GULP1: variants seen among roughly 807,000 people sequenced by gnomAD.
The protein encoded by GULP1 is GULP PTB domain containing engulfment adaptor 1.
Under a neutral mutation model 40.9 loss-of-function variants are expected in GULP1, and 19 were observed. The ratio of observed to expected loss-of-function variants is 0.46; its 90% CI spans 0.32 to 0.68. The LOEUF (loss-of-function observed/expected upper bound fraction) is 0.68, where lower values mean the gene tolerates loss of function less well. Ranked by LOEUF, GULP1 falls within the 30% of genes least tolerant of loss-of-function variation. GULP1 has a pLI of 0.03. For synonymous variants in GULP1, 119 were observed against 117.6 expected (o/e 1.01, Z -0.08); for missense variants, 312 against 362.2 (o/e 0.86, Z 1.12).
At chr2:188,527,406 C>G (rs1686448594) in intron 5 of GULP1, among the ~76,000 whole-genome samples, 1 of 152,116 alleles carries the variant, frequency 6.6e-6, no homozygotes, top group Non-Finnish European at 1.5e-5. Flanking sequence ...GGGAGAGCAG[C>G]TGACTTATTT....
chr2:188,400,108 C>T (rs575213822), intron 2 of GULP1, among the ~76,000 whole-genome samples: 1 of 152,256 alleles, frequency 6.6e-6, no homozygotes. Flanking sequence ...CCAGGGGTCA[C>T]TGTCCCTCCA....
At chr2:188,513,257 C>G (rs2064791117) in intron 4 of GULP1, among the ~76,000 whole-genome samples, 1 of 152,046 alleles carries the variant, frequency 6.6e-6, no homozygotes, top group Admixed American at 6.6e-5. Context: ...TAATAATACA[C>G]AAAACATTTT....
chr2:188,510,882 C>CA (rs944157848), intron 4 of GULP1, among the ~76,000 whole-genome samples: 2 of 151,340 alleles, frequency 1.3e-5, no homozygotes, highest in African/African-American at 4.8e-5. Flanking sequence ...AACCAAAACC[C>CA]AAATCCTAGT....
At chr2:188,386,514 T>C (rs1304641901) in intron 2 of GULP1, among the ~76,000 whole-genome samples, 1 of 152,144 alleles carries the variant, frequency 6.6e-6, no homozygotes, top group Non-Finnish European at 1.5e-5. Context: ...TATGAATTAG[T>C]GTTTTGTATT....
intron 4 of GULP1, among the ~76,000 whole-genome samples, chr2:188,500,653 C>G (rs1383390266): frequency 2.0e-5 from 3 of 151,880 alleles, no homozygotes; most frequent in Non-Finnish European, 2.9e-5. Flanking sequence ...TTAAGCTGTT[C>G]TTGAACATGT....
At chr2:188,359,066 A>T (rs2045747611) in intron 1 of GULP1, among the ~76,000 whole-genome samples, 1 of 152,102 alleles carries the variant, frequency 6.6e-6, no homozygotes, top group Non-Finnish European at 1.5e-5. Context: ...GAAGTATTGG[A>T]GGTCTTATCA....
At chr2:188,502,960 A>G (rs182718794) in intron 4 of GULP1, among the ~76,000 whole-genome samples, 36 of 152,020 alleles carry the variant, frequency 2.4e-4, no homozygotes, top group Admixed American at 2.1e-3. Context: ...GTGTCCTCAC[A>G]TGGCAGAAAG....
chr2:188,391,247 G>T (rs1455788966), intron 2 of GULP1, among the ~76,000 whole-genome samples: 1 of 152,048 alleles, frequency 6.6e-6, no homozygotes, highest in Non-Finnish European at 1.5e-5. Flanking sequence ...AGCATGGAAT[G>T]TGTTTCCATT....
intron 2 of GULP1, among the ~76,000 whole-genome samples, chr2:188,444,076 T>C (rs2152882624): frequency 6.6e-6 from 1 of 152,308 alleles, no homozygotes; most frequent in Middle Eastern, 3.4e-3. Context: ...GTTTTACTTG[T>C]ATTACCTGCA....
chr2:188,307,555 T>C (rs530123078), intron 1 of GULP1, among the ~76,000 whole-genome samples: 1 of 150,570 alleles, frequency 6.6e-6, no homozygotes, highest in South Asian at 2.1e-4. Flanking sequence ...CTACTAAGTT[T>C]TTTAGTTCAC....
chr2:188,569,523 G>GTTT, intron 8 of GULP1, 168 bp downstream of exon 8: 12 of 465,354 alleles, frequency 2.6e-5, no homozygotes, highest in Admixed American at 1.1e-4. Flanking sequence ...CCCCTGCACA[G>GTTT]TTTTTTTTTT....
chr2:188,583,821 A>C (rs1171404413), intron 9 of GULP1, among the ~76,000 whole-genome samples: 2 of 152,218 alleles, frequency 1.3e-5, no homozygotes, highest in East Asian at 3.8e-4. Context: ...GAATGTTTAT[A>C]TTTAAGAAGG....
At chr2:188,506,167 C>G (rs1356022320) in intron 4 of GULP1, among the ~76,000 whole-genome samples, 1 of 151,720 alleles carries the variant, frequency 6.6e-6, no homozygotes, top group Admixed American at 6.6e-5. Flanking sequence ...CTCCTTTTGT[C>G]TTTTAATTTT....
At chr2:188,507,156 G>A (rs2063998049) in intron 4 of GULP1, among the ~76,000 whole-genome samples, 1 of 151,874 alleles carries the variant, frequency 6.6e-6, no homozygotes, top group African/African-American at 2.4e-5. Flanking sequence ...CCAATGGGAT[G>A]TCATCAAGGA....
intron 7 of GULP1, 131 bp from the exon 8 acceptor site, chr2:188,569,108 C>T: frequency 1.6e-6 from 1 of 610,198 alleles, no homozygotes; most frequent in Non-Finnish European, 3.0e-6. Flanking sequence ...ATCTCTACTC[C>T]CAACTGTTGC....
chr2:188,389,086 G>A lies in GULP1; in HGVS notation c.-45+5197G>A, dbSNP rs558932627. Reference sequence around the variant, plus strand: ...AGTTAAGCGGGGATTAAAGAAACAGGCCTTTTGTTTAGGCAAGAGGGGCAT... The same window carrying A: ...AGTTAAGCGGGGATTAAAGAAACAGACCTTTTGTTTAGGCAAGAGGGGCAT... On this transcript the variant is annotated intron_variant, in intron 2 of 11. Coordinates refer to ENST00000409830, the MANE Select transcript of GULP1 (RefSeq NM_016315.4). Among the ~76,000 whole-genome samples, 28 of 152,296 alleles carry A rather than the reference G, an allele frequency of 1.8e-4. No homozygotes were observed. In the South Asian group the frequency reaches 5.8e-3, roughly 32 times the overall value.
intron 2 of GULP1, among the ~76,000 whole-genome samples, chr2:188,454,500 G>T (rs767354270): frequency 2.0e-5 from 3 of 152,176 alleles, no homozygotes; most frequent in African/African-American, 7.2e-5. Flanking sequence ...AGGAAGACAG[G>T]TTCTCAATCT....
chr2:188,485,876 A>G (rs572936142), intron 4 of GULP1, among the ~76,000 whole-genome samples: 5 of 152,128 alleles, frequency 3.3e-5, no homozygotes, highest in African/African-American at 7.2e-5. Context: ...GAGCCATTCA[A>G]TTCACTGGAT....
intron 3 of GULP1, among the ~76,000 whole-genome samples, chr2:188,478,084 T>A (rs1377148098): frequency 1.3e-5 from 2 of 152,134 alleles, no homozygotes; most frequent in African/African-American, 4.8e-5. Flanking sequence ...CATAAGATTA[T>A]GGTAACATAA....
Sources: allele counts gnomAD v4.1 joint callset (sites outside exome capture counted in the v4.1 genomes callset), GRCh38; gene constraint gnomAD v4.1.1; transcripts MANE v1.5; gene names NCBI Gene and HGNC (gene_info 2026-07-23, HGNC 2026-07-21).